LRP1B: variants seen among roughly 807,000 people sequenced by gnomAD.
The protein encoded by LRP1B is LDL receptor related protein 1B.
In LRP1B, 217 loss-of-function variants were observed where a neutral mutation model predicts 556.6. The ratio of observed to expected loss-of-function variants is 0.39; its 90% CI spans 0.35 to 0.44. The LOEUF (loss-of-function observed/expected upper bound fraction) is 0.44. LRP1B is among the 20% of genes least tolerant of loss of function. The pLI is 1.00. For missense variants in LRP1B, 5,053 were observed against 5,620.8 expected (o/e 0.90, Z 3.23); for synonymous variants, 2,047 against 1,865.8 (o/e 1.10, Z -2.50).
At chr2:140,922,288 ACACACACACG>A (rs766625432) in intron 21 of LRP1B, among the ~76,000 whole-genome samples, 2 of 150,580 alleles carry the variant, frequency 1.3e-5, no homozygotes, top group Non-Finnish European at 1.5e-5. Flanking sequence ...GTATACACAC[ACACACACACG>A]CACACACGCA....
intron 14 of LRP1B, among the ~76,000 whole-genome samples, chr2:141,010,399 A>G (rs2105380601): frequency 6.6e-6 from 1 of 152,200 alleles, no homozygotes; most frequent in Non-Finnish European, 1.5e-5. Context: ...AAATATCTTT[A>G]CACTAAATCC....
At chr2:140,355,361 A>T (rs148650730) in intron 75 of LRP1B, among the ~76,000 whole-genome samples, 3 of 152,068 alleles carry the variant, frequency 2.0e-5, no homozygotes, top group African/African-American at 7.2e-5. Flanking sequence ...TTTTTAACTA[A>T]AACACAGAAA....
intron 86 of LRP1B, among the ~76,000 whole-genome samples, chr2:140,257,788 C>G (rs998780130): frequency 1.3e-5 from 2 of 152,188 alleles, no homozygotes; most frequent in African/African-American, 4.8e-5. Context: ...GTGGACAACA[C>G]TGGATGCTGA....
chr2:140,551,707 A>G (rs771507615), intron 43 of LRP1B, among the ~76,000 whole-genome samples: 16 of 152,208 alleles, frequency 1.1e-4, no homozygotes, highest in African/African-American at 3.9e-4. Context: ...CAAGATCCAG[A>G]ACATTCATCC....
In LRP1B at chr2:141,480,623, CA is replaced by C. The variant is rs1343033755; in HGVS notation, c.206-91del. ...ACAAGAAATTACTAGCATTGTTTTA[CA>C]AAACAAAACTATAGAAAATACTGTA... On this transcript the variant is annotated intron_variant, in intron 2 of 90. Transcript: ENST00000389484. The C allele has an allele frequency of 1.1e-5, 14 of 1,245,194 alleles. No individual in the cohort carries two copies. In the East Asian group the frequency reaches 3.3e-4, roughly 29 times the overall value. 77.1% of individuals were successfully genotyped at this position (1,245,194 alleles called of 1,614,324 possible).
chr2:141,381,053 T>C (rs942830791), intron 3 of LRP1B, among the ~76,000 whole-genome samples: 1 of 151,862 alleles, frequency 6.6e-6, no homozygotes, highest in Non-Finnish European at 1.5e-5. Flanking sequence ...ATATGTTTCA[T>C]GTAAAAGAAA....
In LRP1B at chr2:140,461,790, C is replaced by G. The variant is rs371490994; in HGVS notation, c.9626-4139G>C. 1.6e-3 allele frequency among the ~76,000 whole-genome samples: 237 copies of G among 151,764 alleles called. 1 individual carries two copies. The highest frequency in any genetic ancestry group is 5.3e-3 in the African/African-American group (219 of 41,350). ...CAGAGGTTGCAGTGAGCTGTGATCG[C>G]GCCATTGCACTCAAGCCTGGTTGAC... On this transcript the variant is annotated intron_variant, in intron 60 of 90. Coordinates refer to ENST00000389484, the MANE Select transcript of LRP1B (RefSeq NM_018557.3).
At chr2:141,122,936 C>A (rs960123835) in intron 7 of LRP1B, among the ~76,000 whole-genome samples, 1 of 152,050 alleles carries the variant, frequency 6.6e-6, no homozygotes, top group Non-Finnish European at 1.5e-5. Context: ...AGGATAAGTT[C>A]ATGTCCTTTG....
chr2:140,346,792 G>A (rs1681708769), intron 77 of LRP1B, among the ~76,000 whole-genome samples: 1 of 151,882 alleles, frequency 6.6e-6, no homozygotes. Flanking sequence ...ATTAAAAATT[G>A]AGACCTATTA....
chr2:141,899,711 T>TGCATGATATAGACACGA, intron 1 of LRP1B, among the ~76,000 whole-genome samples: 1 of 152,136 alleles, frequency 6.6e-6, no homozygotes, highest in East Asian at 1.9e-4. Flanking sequence ...CTTTGGAAAA[T>TGCATGATATAGACACGA]CACAAGTAAA....
intron 7 of LRP1B, among the ~76,000 whole-genome samples, chr2:141,095,975 G>A (rs139108998): frequency 2.0e-3 from 302 of 151,948 alleles, no homozygotes; most frequent in Middle Eastern, 6.8e-3. Flanking sequence ...CTACTATACC[G>A]TATTCTCATT....
chr2:141,895,318 T>C (rs889264195), intron 1 of LRP1B, among the ~76,000 whole-genome samples: 3 of 152,162 alleles, frequency 2.0e-5, no homozygotes, highest in African/African-American at 7.2e-5. Flanking sequence ...GCAGAAAATA[T>C]TCTCTCAGAG....
At chr2:140,776,505 T>TTTTTTTTTTTTTTTTTTTTTTTGAGACGG (rs1402600516) in intron 32 of LRP1B, among the ~76,000 whole-genome samples, 1 of 148,478 alleles carries the variant, frequency 6.7e-6, no homozygotes, top group African/African-American at 2.4e-5. Context: ...TCTTATATTT[T>TTTTTTTTTTTTTTTTTTTTTTTGAGACGG]ACATAACATG....
At chr2:141,493,588 A>T (rs750978561) in intron 2 of LRP1B, among the ~76,000 whole-genome samples, 2 of 152,160 alleles carry the variant, frequency 1.3e-5, no homozygotes, top group African/African-American at 4.8e-5. Flanking sequence ...GAGCTGGCAA[A>T]TGAGAGACAT....
At chr2:141,881,180 T>G (rs1388371224) in intron 1 of LRP1B, among the ~76,000 whole-genome samples, 1 of 152,000 alleles carries the variant, frequency 6.6e-6, no homozygotes, top group Non-Finnish European at 1.5e-5. Flanking sequence ...ATAATTACCC[T>G]TGATGGTATA....
chr2:141,313,509 C>A (rs79761198), intron 3 of LRP1B, among the ~76,000 whole-genome samples: 18,285 of 152,102 alleles, frequency 0.12, 1,460 homozygotes, highest in African/African-American at 0.21. Flanking sequence ...GTAGGCAGTG[C>A]TTACTTGTCT....
intron 3 of LRP1B, among the ~76,000 whole-genome samples, chr2:141,291,981 C>T (rs2105411115): frequency 6.6e-6 from 1 of 151,908 alleles, no homozygotes; most frequent in Non-Finnish European, 1.5e-5. Flanking sequence ...CAGGGGTCCC[C>T]AACCCCAATG....
chr2:141,787,304 T>C (rs554771861), intron 2 of LRP1B, among the ~76,000 whole-genome samples: 1 of 152,148 alleles, frequency 6.6e-6, no homozygotes, highest in Admixed American at 6.6e-5. Flanking sequence ...ATATAGCAGC[T>C]GTATTCATAG....
intron 7 of LRP1B, among the ~76,000 whole-genome samples, chr2:141,077,695 A>G (rs1264101159): frequency 1.3e-5 from 2 of 152,216 alleles, no homozygotes; most frequent in Admixed American, 1.3e-4. Flanking sequence ...TTACCGCATC[A>G]GCTCTTGCCT....
Sources: gnomAD v4.1 joint callset for allele counts (sites outside exome capture counted in the v4.1 genomes callset) on GRCh38, gnomAD v4.1.1 for gene constraint, MANE v1.5 for transcripts, NCBI Gene and HGNC (gene_info 2026-07-23, HGNC 2026-07-21) for gene names.